The following PCDH15 variants were observed in gnomAD, a reference collection of about 807,000 sequenced individuals.
PCDH15 encodes protocadherin-15.
PCDH15 carries 129 observed loss-of-function variants against 178.5 expected under a neutral mutation model. That is an observed-to-expected ratio of 0.72 (90% confidence interval 0.63 to 0.84). The LOEUF is 0.84. PCDH15 is among the 40% of genes least tolerant of loss of function. The pLI is 0.00. For synonymous variants in PCDH15, 800 were observed against 732.0 expected (o/e 1.09, Z -1.50); for missense variants, 2,230 against 2,099.9 (o/e 1.06, Z -1.21).
chr10:54,027,312 C>T (rs1434312764), intron 18 of PCDH15, among the ~76,000 whole-genome samples: 1 of 151,004 alleles, frequency 6.6e-6, no homozygotes, highest in African/African-American at 2.4e-5. Context: ...AATGGAAGAA[C>T]ATTCCATGCT....
intron 2 of PCDH15, among the ~76,000 whole-genome samples, chr10:55,042,736 A>G (rs1840897806): frequency 6.6e-6 from 1 of 152,142 alleles, no homozygotes; most frequent in South Asian, 2.1e-4. Context: ...TGGATAAGAA[A>G]ATGTAGTGCT....
chr10:55,049,439 C>T (rs1242527907), intron 2 of PCDH15, among the ~76,000 whole-genome samples: 1 of 150,588 alleles, frequency 6.6e-6, no homozygotes, highest in Non-Finnish European at 1.5e-5. Flanking sequence ...AAAAAAGGAA[C>T]ATCTTAGTTT....
chr10:55,224,447 C>T (rs971581940), intron 1 of PCDH15, among the ~76,000 whole-genome samples: 3 of 152,010 alleles, frequency 2.0e-5, no homozygotes, highest in African/African-American at 7.3e-5. Flanking sequence ...TGCTTGACTT[C>T]TTAGAATTCT....
At chr10:55,298,885 C>A (rs114067854) in intron 1 of PCDH15, among the ~76,000 whole-genome samples, 1 of 152,130 alleles carries the variant, frequency 6.6e-6, no homozygotes, top group African/African-American at 2.4e-5. Context: ...GCGATAGTGT[C>A]GACTTTTATT....
At chr10:53,980,709 GTTAA>G (rs1365871294) in intron 21 of PCDH15, among the ~76,000 whole-genome samples, 4 of 152,152 alleles carry the variant, frequency 2.6e-5, no homozygotes, top group African/African-American at 9.7e-5. Context: ...GTTTAAAGAG[GTTAA>G]TTAACTGCTG....
intron 2 of PCDH15, among the ~76,000 whole-genome samples, chr10:55,478,290 GA>G (rs1246571716): frequency 2.0e-5 from 3 of 151,526 alleles, no homozygotes; most frequent in Non-Finnish European, 4.4e-5. Flanking sequence ...AAGAAATATA[GA>G]ATTTAAAATG....
chr10:54,444,065 G>A (rs1241745612), intron 3 of PCDH15, among the ~76,000 whole-genome samples: 1 of 151,568 alleles, frequency 6.6e-6, no homozygotes, highest in Non-Finnish European at 1.5e-5. Flanking sequence ...AACTAATTCA[G>A]AATGTCTAGG....
rs116725732 is a variant in PCDH15 at position 55,318,987 on chromosome 10, T to C, written c.-156+612A>G. On this transcript the variant is annotated intron_variant, in intron 1 of 5. Coordinates refer to the PCDH15 transcript ENST00000458638. The stretch of plus-strand genomic sequence containing the variant: ...GTAAAAATTTTTAAGGTGAGAATCT[T>C]ATTTGTAGTAGTTTGGAGTTATTAT... Among the ~76,000 whole-genome samples, 786 of 152,240 alleles carry C rather than the reference T, an allele frequency of 5.2e-3. 10 individuals are homozygous for C. The highest frequency in any genetic ancestry group is 0.018 in the African/African-American group (740 of 41,530).
At chr10:54,769,521 C>A (rs1177402322) in intron 1 of PCDH15, among the ~76,000 whole-genome samples, 1 of 151,292 alleles carries the variant, frequency 6.6e-6, no homozygotes, top group Non-Finnish European at 1.5e-5. Flanking sequence ...GTGTGCGTCA[C>A]CAAGATAGAC....
intron 3 of PCDH15, among the ~76,000 whole-genome samples, chr10:54,381,244 T>C (rs1214589062): frequency 1.3e-5 from 2 of 151,996 alleles, no homozygotes; most frequent in Admixed American, 1.3e-4. Flanking sequence ...CATACCCCTC[T>C]CCTTAGAAGA....
At chr10:55,548,941 C>G (rs960074575) in intron 2 of PCDH15, among the ~76,000 whole-genome samples, 1 of 151,984 alleles carries the variant, frequency 6.6e-6, no homozygotes, top group African/African-American at 2.4e-5. Context: ...GTTTAGAAAA[C>G]AAAAGAATAA....
intron 2 of PCDH15, among the ~76,000 whole-genome samples, chr10:55,108,676 G>A (rs541238271): frequency 3.5e-4 from 53 of 151,454 alleles, no homozygotes; most frequent in South Asian, 2.5e-3. Flanking sequence ...ACCAGTAAAC[G>A]TAAAGCATTC....
chr10:55,507,894 A>G (rs1017669917), intron 2 of PCDH15, among the ~76,000 whole-genome samples: 1 of 151,656 alleles, frequency 6.6e-6, no homozygotes, highest in African/African-American at 2.4e-5. Context: ...TATTCTGGCT[A>G]ATTAAAAAAA....
At chr10:54,660,323 T>C (rs922610665) in intron 2 of PCDH15, among the ~76,000 whole-genome samples, 11 of 152,036 alleles carry the variant, frequency 7.2e-5, no homozygotes, top group African/African-American at 2.7e-4. Flanking sequence ...GTAATCATGG[T>C]AGACTATGAA....
At chr10:54,271,417 C>T (rs2058042601) in intron 8 of PCDH15, among the ~76,000 whole-genome samples, 1 of 151,960 alleles carries the variant, frequency 6.6e-6, no homozygotes, top group Admixed American at 6.6e-5. Context: ...ACCAAATTGG[C>T]GAGGCTGGTT....
rs114419404 is a variant in PCDH15 at position 53,901,274 on chromosome 10, G to A, written c.3501+1969C>T. ...TTGCCAAGAATTAGGTTTCTGTATT[G>A]AAAAAGCCTCCCAAACCTTGATTAC... On this transcript the variant is annotated intron_variant, in intron 26 of 37. Transcript: ENST00000644397. Among the ~76,000 whole-genome samples, 336 of 152,048 alleles carry A rather than the reference G, an allele frequency of 2.2e-3. 2 individuals are homozygous for A. Among genetic ancestry groups the A allele is most frequent in the African/African-American group, 7.4e-3 (306 of 41,480 alleles).
chr10:54,753,880 T>TCA (rs368227785), intron 1 of PCDH15, among the ~76,000 whole-genome samples: 1 of 143,626 alleles, frequency 7.0e-6, no homozygotes, highest in Non-Finnish European at 1.5e-5. Context: ...GTTGTTGTTT[T>TCA]TTTGTTTGTT....
At chr10:53,929,311 T>G (rs1001977359) in intron 25 of PCDH15, among the ~76,000 whole-genome samples, 4 of 152,142 alleles carry the variant, frequency 2.6e-5, no homozygotes, top group Non-Finnish European at 5.9e-5. Flanking sequence ...CATTTTTGTT[T>G]CATTGAAAAT....
intron 25 of PCDH15, among the ~76,000 whole-genome samples, chr10:53,914,005 A>C (rs529250130): frequency 6.6e-6 from 1 of 152,328 alleles, no homozygotes; most frequent in South Asian, 2.1e-4. Flanking sequence ...CAACAGACAC[A>C]TGAAAAAAGG....
Sources: allele counts gnomAD v4.1 joint callset (sites outside exome capture counted in the v4.1 genomes callset), GRCh38; gene constraint gnomAD v4.1.1; transcripts MANE v1.5; gene names NCBI Gene and HGNC (gene_info 2026-07-23, HGNC 2026-07-21).